Variants in SVIL observed in about 807,000 individuals in gnomAD.
The protein encoded by SVIL is supervillin, also known as archvillin.
Under a neutral mutation model 240.4 loss-of-function variants are expected in SVIL, and 101 were observed. That is an observed-to-expected ratio of 0.42 (90% confidence interval 0.36 to 0.50). The LOEUF is 0.50. SVIL is among the 20% of genes least tolerant of loss of function. The pLI is 0.01. For missense variants in SVIL, 2,512 were observed against 2,818.7 expected (o/e 0.89, Z 2.46); for synonymous variants, 999 against 1,100.0 (o/e 0.91, Z 1.82).
chr10:29,633,236 C>CAAA (rs5784146), intron 1 of SVIL, among the ~76,000 whole-genome samples: 11 of 71,054 alleles, frequency 1.5e-4, no homozygotes, highest in South Asian at 5.4e-4. Context: ...GACTCCATCT[C>CAAA]AAAAAAAAAA....
intron 2 of SVIL, among the ~76,000 whole-genome samples, chr10:29,669,242 G>T (rs1193716075): frequency 6.6e-6 from 1 of 152,172 alleles, no homozygotes; most frequent in African/African-American, 2.4e-5. Flanking sequence ...CATCTGCAGG[G>T]AGAGTTTTGC....
intron 1 of SVIL, among the ~76,000 whole-genome samples, chr10:29,573,240 T>C (rs146046338): frequency 1.1e-4 from 16 of 152,242 alleles, no homozygotes; most frequent in Admixed American, 1.0e-3. Flanking sequence ...AAAATTCCAG[T>C]ACACATTTTT....
At chr10:29,549,191 C>A (rs1487271366) in intron 6 of SVIL, among the ~76,000 whole-genome samples, 2 of 142,720 alleles carry the variant, frequency 1.4e-5, no homozygotes, top group African/African-American at 5.3e-5. Flanking sequence ...AACAAACAAC[C>A]CCATCAAAAA....
chr10:29,703,098 T>C (rs969404642), intron 1 of SVIL, among the ~76,000 whole-genome samples: 5 of 152,160 alleles, frequency 3.3e-5, no homozygotes, highest in Admixed American at 6.5e-5. Flanking sequence ...GATCTAGGCA[T>C]TTATTTTTAA....
At chr10:29,713,506 A>G (rs1275886008) in intron 1 of SVIL, among the ~76,000 whole-genome samples, 1 of 152,228 alleles carries the variant, frequency 6.6e-6, no homozygotes, top group Non-Finnish European at 1.5e-5. Flanking sequence ...CACTTTGAAA[A>G]TAATCCTGTG....
At chr10:29,565,483 CT>C (rs1954895975) in intron 2 of SVIL, among the ~76,000 whole-genome samples, 1 of 152,210 alleles carries the variant, frequency 6.6e-6, no homozygotes, top group Admixed American at 6.5e-5. Flanking sequence ...TTTCCTCCCC[CT>C]GAGCTCTCTC....
intron 27 of SVIL, chr10:29,483,512 T>C (rs1298702787): frequency 3.9e-5 from 6 of 152,344 alleles, no homozygotes; most frequent in Admixed American, 3.9e-4. Context: ...AAAAGGCCCC[T>C]CAGGTGATTC....
At chr10:29,571,885 G>A (rs1345944916) in intron 1 of SVIL, among the ~76,000 whole-genome samples, 2 of 152,186 alleles carry the variant, frequency 1.3e-5, no homozygotes, top group Admixed American at 1.3e-4. Flanking sequence ...GGAGCTATGG[G>A]ATCTTGGGGA....
At chr10:29,691,553 T>C (rs748039360) in intron 1 of SVIL, among the ~76,000 whole-genome samples, 3 of 152,216 alleles carry the variant, frequency 2.0e-5, no homozygotes, top group East Asian at 1.9e-4. Context: ...TTGGCGACGC[T>C]CCAGCTTCTG....
In SVIL at chr10:29,720,636, T is replaced by C. The variant is rs540760705; in HGVS notation, c.-400+15115A>G. The stretch of plus-strand genomic sequence containing the variant: ...CTACCTGGGTAAATACATAAGAGCT[T>C]TCTCCTTATTATTTAAGCTTTTAAA... On this transcript the variant is annotated intron_variant, in intron 1 of 35. Transcript: ENST00000375400. Among the ~76,000 whole-genome samples, 6 of 152,312 alleles carry C rather than the reference T, an allele frequency of 3.9e-5. No individual in the cohort carries two copies. In the South Asian group the frequency reaches 1.2e-3, roughly 32 times the overall value.
intron 28 of SVIL, among the ~76,000 whole-genome samples, chr10:29,481,248 C>T (rs1029228661): frequency 2.7e-5 from 4 of 149,010 alleles, no homozygotes; most frequent in South Asian, 2.1e-4. Context: ...GGGTATGATT[C>T]GATGTGTTGA....
intron 16 of SVIL, among the ~76,000 whole-genome samples, chr10:29,517,482 C>G (rs1272154928): frequency 6.6e-6 from 1 of 152,200 alleles, no homozygotes; most frequent in East Asian, 1.9e-4. Flanking sequence ...TAAAGGGGAA[C>G]TGCCGCTCTA....
chr10:29,523,785 C>T lies in SVIL; in HGVS notation c.2829G>A (p.Met943Ile), dbSNP rs772176559. The T allele has an allele frequency of 6.2e-6, 10 of 1,614,238 alleles. No individual in the cohort carries two copies. Among genetic ancestry groups the T allele is most frequent in the East Asian group, 2.2e-5 (1 of 44,882 alleles). ...PLVEGSENKG[M>I]LREYGETESK... ...TTTCTGTCTCTCCATATTCTCTCAA[C>T]ATTCCCTTGTTCTCGCTACCCTCTA... Residue 943 changes from methionine (M) to isoleucine (I), a missense_variant, in exon 15 of 38, where the codon ATG (methionine) becomes ATA (isoleucine). Met to Ile is a conservative substitution (Grantham distance 10). Transcript: ENST00000355867.
chr10:29,701,038 C>G (rs1392396573), intron 1 of SVIL, among the ~76,000 whole-genome samples: 2 of 152,148 alleles, frequency 1.3e-5, no homozygotes, highest in Non-Finnish European at 2.9e-5. Context: ...GAAGTGTGCA[C>G]ACAGGTATGG....
intron 3 of SVIL, among the ~76,000 whole-genome samples, chr10:29,657,410 T>A (rs373650028): frequency 8.5e-5 from 13 of 152,306 alleles, no homozygotes; most frequent in African/African-American, 2.6e-4. Context: ...CATTTAACTT[T>A]AATCCAATGC....
chr10:29,549,884 A>AG (rs1376249261), intron 6 of SVIL, among the ~76,000 whole-genome samples: 1 of 61,472 alleles, frequency 1.6e-5, no homozygotes, highest in African/African-American at 6.8e-5. Flanking sequence ...GGGTGGGGGG[A>AG]GGGGGGAGGG....
chr10:29,701,301 G>A (rs1297770126), intron 1 of SVIL, among the ~76,000 whole-genome samples: 2 of 152,010 alleles, frequency 1.3e-5, no homozygotes, highest in African/African-American at 2.4e-5. Context: ...GCTTCCAGGG[G>A]CCACCTCTCA....
intron 2 of SVIL, among the ~76,000 whole-genome samples, chr10:29,659,590 C>T (rs1424356673): frequency 6.6e-6 from 1 of 152,056 alleles, no homozygotes; most frequent in Non-Finnish European, 1.5e-5. Flanking sequence ...GAAGCCCAGC[C>T]CCAGAGGCAA....
chr10:29,535,402 A>G (rs995796995), intron 7 of SVIL, among the ~76,000 whole-genome samples: 3 of 151,982 alleles, frequency 2.0e-5, no homozygotes, highest in Non-Finnish European at 4.4e-5. Context: ...ACTGTCAGAA[A>G]CTCTGTGTGT....
Sources: allele counts gnomAD v4.1 joint callset (sites outside exome capture counted in the v4.1 genomes callset), GRCh38; gene constraint gnomAD v4.1.1; transcripts MANE v1.5; gene names NCBI Gene and HGNC (gene_info 2026-07-23, HGNC 2026-07-21).